The following SHANK2 variants were observed in gnomAD, a reference collection of about 807,000 sequenced individuals.
SHANK2 encodes SH3 and multiple ankyrin repeat domains protein 2.
In SHANK2, 43 loss-of-function variants were observed where a neutral mutation model predicts 133.7. The observed-to-expected ratio is 0.32, with a 90% CI of 0.25 to 0.41. The LOEUF (loss-of-function observed/expected upper bound fraction) is 0.41, where lower values mean the gene tolerates loss of function less well. Among genes scored for constraint, SHANK2 ranks in the 10% least tolerant of loss-of-function variants. The probability of loss-of-function intolerance (pLI) is 1.00; values close to 1 mark genes in which losing one functional copy is unlikely to be tolerated. For synonymous variants in SHANK2, 1,017 were observed against 952.8 expected (o/e 1.07, Z -1.24); for missense variants, 1,994 against 2,235.8 (o/e 0.89, Z 2.18).
At chr11:71,241,378 G>A (rs905477823) in intron 1 of SHANK2, among the ~76,000 whole-genome samples, 21 of 152,084 alleles carry the variant, frequency 1.4e-4, no homozygotes, top group Admixed American at 1.1e-3. Context: ...TCCAGCGAGC[G>A]GGAAGTGCCC....
At chr11:71,164,919 C>T (rs2135479270) in intron 2 of SHANK2, among the ~76,000 whole-genome samples, 1 of 152,292 alleles carries the variant, frequency 6.6e-6, no homozygotes, top group Non-Finnish European at 1.5e-5. Flanking sequence ...CTCCATCCTG[C>T]CATCATCTGT....
At chr11:70,655,690 G>C (rs2061396962) in intron 17 of SHANK2, among the ~76,000 whole-genome samples, 1 of 152,212 alleles carries the variant, frequency 6.6e-6, no homozygotes, top group South Asian at 2.1e-4. Context: ...CATTTAGGTT[G>C]TCAAACAAGG....
At position 70,500,683 on chromosome 11, in the gene SHANK2, G is replaced by A; in HGVS notation, c.2288-93C>T. 2 of 1,531,368 alleles carry A rather than the reference G, an allele frequency of 1.3e-6. No individual in the cohort carries two copies. Among genetic ancestry groups the A allele is most frequent in the South Asian group, 2.4e-5 (2 of 83,888 alleles). The allele number at this position is 1,531,368 out of a possible 1,614,324, so 94.9% of individuals were successfully genotyped here. On this transcript the variant is annotated intron_variant, in intron 20 of 25. Transcript: ENST00000601538. The surrounding 1 kb of genome is among the most constrained non-coding windows in gnomAD (Gnocchi z 4.5). ...GCCTTGTCAGCTCAGGGCGCCTCAG[G>A]AGCAGGCTGGGCCGGCAATGGGGCG...
chr11:70,525,833 A>T (rs1466721115), intron 17 of SHANK2, among the ~76,000 whole-genome samples: 1 of 151,248 alleles, frequency 6.6e-6, no homozygotes, highest in Non-Finnish European at 1.5e-5. Context: ...TGATGGCGGG[A>T]AAGTCCTGTT....
intron 18 of SHANK2, among the ~76,000 whole-genome samples, chr11:70,502,548 G>A (rs1291322110): frequency 2.6e-5 from 4 of 152,154 alleles, no homozygotes; most frequent in South Asian, 2.1e-4. Context: ...GGAAGCCTGC[G>A]GAAGGGACGC....
chr11:70,524,015 G>A (rs1476542786), intron 17 of SHANK2, among the ~76,000 whole-genome samples: 1 of 152,206 alleles, frequency 6.6e-6, no homozygotes, highest in Non-Finnish European at 1.5e-5. Context: ...AGCGTGACTA[G>A]CAAGGGAATA....
At chr11:71,178,978 G>A (rs1032440530) in intron 2 of SHANK2, among the ~76,000 whole-genome samples, 19 of 149,828 alleles carry the variant, frequency 1.3e-4, no homozygotes, top group African/African-American at 1.8e-4. Flanking sequence ...ATGAGACTTC[G>A]TCTGAAGTGA....
intron 15 of SHANK2, among the ~76,000 whole-genome samples, chr11:70,690,021 A>G (rs1296083231): frequency 2.0e-5 from 3 of 152,162 alleles, no homozygotes; most frequent in African/African-American, 7.2e-5. Context: ...CATTCCAGAT[A>G]CCTTTTGTTG....
At chr11:70,506,010 AG>A (rs2059131807) in intron 17 of SHANK2, among the ~76,000 whole-genome samples, 1 of 152,166 alleles carries the variant, frequency 6.6e-6, no homozygotes, top group South Asian at 2.1e-4. Flanking sequence ...GGAAGGGTCA[AG>A]GGGCTGGAGG....
chr11:71,226,004 C>A (rs926486483), intron 1 of SHANK2, among the ~76,000 whole-genome samples: 2 of 152,248 alleles, frequency 1.3e-5, no homozygotes, highest in Non-Finnish European at 2.9e-5. Flanking sequence ...CACCTGTAAT[C>A]CCAGCTACTC....
At chr11:70,817,079 G>C (rs1473069725) in intron 12 of SHANK2, among the ~76,000 whole-genome samples, 1 of 152,230 alleles carries the variant, frequency 6.6e-6, no homozygotes, top group South Asian at 2.1e-4. Context: ...GAACACAACA[G>C]TGGCACCTGC....
chr11:70,469,071 G>T lies in SHANK2; in HGVS notation c.*3798C>A, dbSNP rs2058566875. 6.6e-6 allele frequency: 1 copy of T among 152,226 alleles called. No individual in the cohort carries two copies. 9.4% of individuals were successfully genotyped at this position (152,226 alleles called of 1,614,324 possible). A position where few individuals can be genotyped will look rare whatever the true frequency, so the allele number is the denominator to read the frequency against. On this transcript the variant is annotated 3_prime_UTR_variant, in exon 26 of 26. Coordinates refer to ENST00000601538, the MANE Select transcript of SHANK2 (RefSeq NM_012309.5). ...GGGTGTGGGGAGACTGGACCCTAAG[G>T]GAAGGGTCCGGATCTGGCTGGCCCT... is the stretch of plus-strand genomic sequence containing the variant.
At chr11:70,489,062 G>GA (rs536572986) in intron 24 of SHANK2, 3 of 467,648 alleles carry the variant, frequency 6.4e-6, no homozygotes, top group East Asian at 3.9e-5. Context: ...TACTTGAAAT[G>GA]AAAAAAAGTC....
intron 11 of SHANK2, among the ~76,000 whole-genome samples, chr11:70,859,446 A>G (rs1555067404): frequency 6.6e-6 from 1 of 151,886 alleles, no homozygotes; most frequent in Non-Finnish European, 1.5e-5. Context: ...GTGTGGGTGG[A>G]TGGATGGATG....
At chr11:71,092,376 A>T (rs1555094214) in intron 8 of SHANK2, 46 bp downstream of exon 8, 2 of 1,547,786 alleles carry the variant, frequency 1.3e-6, no homozygotes, top group Non-Finnish European at 8.7e-7. Flanking sequence ...GGAGAAGGGG[A>T]AGTCAGTTCG....
rs931539908 is a variant in SHANK2 at position 70,856,923 on chromosome 11, C to T, written c.1175-36241G>A. ...CTCTGGATACACACCAGATGGACAC[C>T]CCTGGCTGGCCCTTCCTTAACTTCT... On this transcript the variant is annotated intron_variant, in intron 11 of 25. Coordinates refer to ENST00000601538, the MANE Select transcript of SHANK2 (RefSeq NM_012309.5). 5.9e-5 allele frequency among the ~76,000 whole-genome samples: 9 copies of T among 152,174 alleles called. No individual in the cohort carries two copies. The South Asian group carries it at 1.5e-3, about 25-fold the overall frequency.
At chr11:70,816,101 T>A (rs569387438) in intron 12 of SHANK2, among the ~76,000 whole-genome samples, 5 of 152,312 alleles carry the variant, frequency 3.3e-5, no homozygotes, top group Admixed American at 1.3e-4. Flanking sequence ...AGGATGAAGA[T>A]GAAGACGACC....
At chr11:70,506,402 A>G (rs1351611455) in intron 17 of SHANK2, among the ~76,000 whole-genome samples, 2 of 152,166 alleles carry the variant, frequency 1.3e-5, no homozygotes, top group African/African-American at 4.8e-5. Context: ...CCCTCAGCAG[A>G]CTGCAGCAAA....
At chr11:70,563,736 C>T (rs180765401) in intron 17 of SHANK2, among the ~76,000 whole-genome samples, 5 of 152,214 alleles carry the variant, frequency 3.3e-5, no homozygotes, top group African/African-American at 1.2e-4. Flanking sequence ...TGGGGTTTCT[C>T]CATGTTGGCC....
Sources: allele counts gnomAD v4.1 joint callset (sites outside exome capture counted in the v4.1 genomes callset), GRCh38; gene constraint gnomAD v4.1.1; non-coding constraint Gnocchi (gnomAD v3.1); transcripts MANE v1.5; gene names NCBI Gene and HGNC (gene_info 2026-07-23, HGNC 2026-07-21).